ENOSF1: variants seen among roughly 807,000 people sequenced by gnomAD.
The protein encoded by ENOSF1 is mitochondrial enolase superfamily member 1.
ENOSF1 carries 73 observed loss-of-function variants against 68.2 expected under a neutral mutation model. The observed-to-expected ratio is 1.07, with a 90% CI of 0.89 to 1.30. The LOEUF is 1.30. ENOSF1 is among the 50% of genes most tolerant of loss of function. ENOSF1 has a pLI of 0.00. For synonymous variants in ENOSF1, 223 were observed against 210.4 expected (o/e 1.06, Z -0.52); for missense variants, 589 against 554.5 (o/e 1.06, Z -0.62).
At position 691,217 on chromosome 18, in the gene ENOSF1, C is replaced by G. The variant is rs774212353; in HGVS notation, c.483G>C (p.Glu161Asp). The change falls in exon 6 of 16, where the codon GAG becomes GAC. Residue 161 changes from glutamate (E) to aspartate (D), a missense_variant. Physicochemically the swap from Glu to Asp is conservative, Grantham distance 45. Transcript: ENST00000647584. ...DFRYITDVLT[E>D]EDALEILQKG... The stretch of plus-strand genomic sequence containing the variant: ...TTCCAAACTCACCTAGGGCATCCTC[C>G]TCAGTCAGGACATCAGTGATGTACC... 3.7e-6 allele frequency: 6 copies of G among 1,614,068 alleles called. No homozygotes were observed. Among genetic ancestry groups the G allele is most frequent in the Non-Finnish European group, 5.1e-6 (6 of 1,180,030 alleles).
intron 1 of ENOSF1, among the ~76,000 whole-genome samples, chr18:707,183 CTTAT>C (rs746410175): frequency 5.9e-5 from 9 of 152,194 alleles, no homozygotes; most frequent in African/African-American, 1.4e-4. Flanking sequence ...ATTTTATTTA[CTTAT>C]TTATTTTTTA....
intron 11 of ENOSF1, among the ~76,000 whole-genome samples, chr18:682,218 T>TA (rs2076143671): frequency 6.6e-6 from 1 of 152,160 alleles, no homozygotes; most frequent in Non-Finnish European, 1.5e-5. Context: ...GTGAACATCA[T>TA]AGAGTGTACG....
In ENOSF1 at chr18:672,964, G is replaced by A. The variant is rs369944864; in HGVS notation, c.*1341C>T. On this transcript the variant is annotated 3_prime_UTR_variant, in exon 16 of 16. Transcript: ENST00000647584. ...ACTTTCAGATTGAAGGGTACAATCCGCATCCAACTATTAAAATGGAAATGG... is the reference window on the plus strand; with the variant it reads ...ACTTTCAGATTGAAGGGTACAATCCACATCCAACTATTAAAATGGAAATGG... 3.6e-5 allele frequency: 56 copies of A among 1,574,482 alleles called. No homozygotes were observed. The highest frequency in any genetic ancestry group is 2.7e-4 in the African/African-American group (20 of 74,596).
chr18:669,579 T>A (rs1350076738), downstream of ENOSF1: 3 of 172,970 alleles, frequency 1.7e-5, no homozygotes, highest in Non-Finnish European at 3.7e-5. Context: ...ACCATGTTGG[T>A]CAGGCTGGTC....
chr18:679,878 C>G (rs79630114), intron 11 of ENOSF1, among the ~76,000 whole-genome samples: 47 of 152,196 alleles, frequency 3.1e-4, no homozygotes, highest in Non-Finnish European at 5.9e-4. Context: ...ATCACACTGA[C>G]AGCTAACATT....
In ENOSF1 at chr18:710,449, G is replaced by A. The variant is rs534890902; in HGVS notation, c.84+2055C>T. ...TAACATTTCACAAATTCAAAGTCAA[G>A]TCTAGATTAGGGATTCCTTCTGCTT... On this transcript the variant is annotated intron_variant, in intron 1 of 15. Transcript: ENST00000647584. Among the ~76,000 whole-genome samples the A allele has an allele frequency of 1.5e-4, 23 of 152,246 alleles. No individual in the cohort carries two copies. The East Asian group carries it at 4.3e-3, about 28-fold the overall frequency.
intron 15 of ENOSF1, among the ~76,000 whole-genome samples, chr18:674,910 A>G (rs993779438): frequency 3.9e-5 from 6 of 152,222 alleles, no homozygotes; most frequent in Non-Finnish European, 1.5e-5. Context: ...AGAGTTAGTT[A>G]ACTCATCAAA....
intron 14 of ENOSF1, 71 bp from the exon 15 acceptor site, chr18:675,473 CAGA>C (rs928334937): frequency 4.5e-6 from 6 of 1,335,298 alleles, no homozygotes; most frequent in African/African-American, 4.3e-5. Flanking sequence ...TAACTTAAAG[CAGA>C]AGGAGCGAGT....
chr18:667,131 AGATGGT>A (rs1179372941), downstream of ENOSF1, among the ~76,000 whole-genome samples: 1,519 of 34,632 alleles, frequency 0.044, 89 homozygotes, highest in Middle Eastern at 0.05. Context: ...ATGGTGATGG[AGATGGT>A]GATGGTGATG....
intron 5 of ENOSF1, chr18:691,546 T>C (rs1161475875): frequency 5.9e-6 from 2 of 337,216 alleles, no homozygotes; most frequent in Non-Finnish European, 1.1e-5. Flanking sequence ...GGGGTCTCAC[T>C]ATGTTGACCA....
intron 1 of ENOSF1, among the ~76,000 whole-genome samples, chr18:707,321 G>C (rs548458225): frequency 6.6e-6 from 1 of 152,162 alleles, no homozygotes; most frequent in African/African-American, 2.4e-5. Context: ...CATCATGCCC[G>C]GAAGGGGCTC....
At chr18:691,558 G>A (rs759140315) in intron 5 of ENOSF1, 10 of 294,078 alleles carry the variant, frequency 3.4e-5, no homozygotes, top group Non-Finnish European at 5.1e-5. Flanking sequence ...TGTTGACCAG[G>A]TTGATCTTGA....
intron 8 of ENOSF1, among the ~76,000 whole-genome samples, chr18:689,886 T>C (rs969055443): frequency 1.3e-5 from 2 of 150,750 alleles, no homozygotes; most frequent in East Asian, 1.9e-4. Flanking sequence ...TATTCCCAGA[T>C]AGCTGGGGAG....
downstream of ENOSF1, chr18:669,190 C>T (rs758493098): frequency 3.1e-6 from 5 of 1,605,624 alleles, no homozygotes; most frequent in African/African-American, 2.7e-5. Context: ...AGAACCCCGT[C>T]GTCTTCATTT....
chr18:705,285 G>A (rs1456457333), intron 2 of ENOSF1, among the ~76,000 whole-genome samples: 1 of 152,098 alleles, frequency 6.6e-6, no homozygotes, highest in Non-Finnish European at 1.5e-5. Context: ...TTGGCTTCAG[G>A]CTCTAATAAT....
At chr18:684,139 G>A (rs561335881) in intron 10 of ENOSF1, among the ~76,000 whole-genome samples, 68 of 151,758 alleles carry the variant, frequency 4.5e-4, no homozygotes, top group African/African-American at 1.4e-3. Context: ...GACTACAGGC[G>A]CCCACCACCA....
intron 3 of ENOSF1, among the ~76,000 whole-genome samples, chr18:696,491 G>A (rs1161544846): frequency 6.6e-6 from 1 of 151,410 alleles, no homozygotes; most frequent in Non-Finnish European, 1.5e-5. Context: ...GATTACAGGA[G>A]TGAGCCACCG....
downstream of ENOSF1, among the ~76,000 whole-genome samples, chr18:666,139 T>C (rs998102560): frequency 7.9e-5 from 8 of 100,878 alleles, no homozygotes; most frequent in Admixed American, 1.7e-4. Context: ...ATTATTAATG[T>C]GTGGGAGTCT....
chr18:693,752 T>C, intron 5 of ENOSF1, 130 bp downstream of exon 5: 2 of 1,475,344 alleles, frequency 1.4e-6, no homozygotes, highest in Non-Finnish European at 1.8e-6. Context: ...TTTTATTGGC[T>C]TTTTGCTTTA....
Sources: allele counts gnomAD v4.1 joint callset (sites outside exome capture counted in the v4.1 genomes callset), GRCh38; gene constraint gnomAD v4.1.1; transcripts MANE v1.5; gene names NCBI Gene and HGNC (gene_info 2026-07-23, HGNC 2026-07-21).